Variants in MALRD1 observed in about 807,000 individuals in gnomAD.
The protein encoded by MALRD1 is MAM and LDL-receptor class A domain-containing protein 1.
MALRD1 carries 247 observed loss-of-function variants against 242.1 expected under a neutral mutation model. That is an observed-to-expected ratio of 1.02 (90% confidence interval 0.92 to 1.13). MALRD1 has a LOEUF of 1.13. Ranked by LOEUF, MALRD1 falls within the 50% of genes most tolerant of loss-of-function variation. The pLI is 0.00. For synonymous variants in MALRD1, 995 were observed against 866.6 expected (o/e 1.15, Z -2.60); for missense variants, 2,989 against 2,533.1 (o/e 1.18, Z -3.86).
intron 28 of MALRD1, among the ~76,000 whole-genome samples, chr10:19,400,754 G>A (rs765476428): frequency 2.0e-5 from 3 of 152,128 alleles, no homozygotes; most frequent in South Asian, 2.1e-4. Flanking sequence ...GGTAGCTCAC[G>A]CCTATAATCC....
intron 5 of MALRD1, among the ~76,000 whole-genome samples, chr10:19,116,912 T>G (rs1836889122): frequency 6.6e-6 from 1 of 151,896 alleles, no homozygotes. Flanking sequence ...CTGGCCAACA[T>G]GACGAAACCC....
chr10:19,260,137 G>C (rs1203898549), intron 19 of MALRD1, among the ~76,000 whole-genome samples: 1 of 152,136 alleles, frequency 6.6e-6, no homozygotes, highest in Non-Finnish European at 1.5e-5. Context: ...AAAATATTAA[G>C]TAATTCTATG....
intron 1 of MALRD1, among the ~76,000 whole-genome samples, chr10:19,056,498 A>G (rs185081462): frequency 5.3e-5 from 8 of 152,212 alleles, no homozygotes; most frequent in African/African-American, 1.4e-4. Context: ...GTTTCTTATT[A>G]GTATATAGAA....
Position 19,708,219 on chromosome 10 carries a change from G to A in MALRD1, c.6314+15665G>A, listed in dbSNP as rs1833950394. Among the ~76,000 whole-genome samples, 2 of 120,470 alleles carry A rather than the reference G, an allele frequency of 1.7e-5. 1 individual carries two copies. Among genetic ancestry groups the A allele is most frequent in the African/African-American group, 5.3e-5 (2 of 38,042 alleles). The allele number at this position is 120,470 out of a possible 152,430, so 79.0% of individuals were successfully genotyped here. A position where few individuals can be genotyped will look rare whatever the true frequency, so the allele number is the denominator to read the frequency against. Reference sequence around the variant, plus strand: ...ATTTTCTTATGTATAAAATGAGGAAGTTGGCATAAATCAGTTTTATCCAAA... The same window carrying A: ...ATTTTCTTATGTATAAAATGAGGAAATTGGCATAAATCAGTTTTATCCAAA... On this transcript the variant is annotated intron_variant, in intron 38 of 39. Transcript: ENST00000454679.
In MALRD1 at chr10:19,341,538, A is replaced by ACC. The variant is rs543716012; in HGVS notation, c.3902-6232_3902-6231insCC. 2.6e-3 allele frequency among the ~76,000 whole-genome samples: 382 copies of ACC among 145,212 alleles called. 2 individuals carry two copies. The highest frequency in any genetic ancestry group is 9.2e-3 in the African/African-American group (363 of 39,648). On this transcript the variant is annotated intron_variant, in intron 24 of 39. Transcript: ENST00000454679. ...TGTGTATATATGTATATATATACAC[A>ACC]CATATATATACACACACACGTATTT...
In MALRD1 at chr10:19,288,253, A is replaced by C. The variant is rs61850888; in HGVS notation, c.3419+5072A>C. On this transcript the variant is annotated intron_variant, in intron 21 of 39. Transcript: ENST00000454679. ...CAGGCATGCAATGTATAATAATCAC[A>C]TCATGGAGAGCAGGGTACCCATCCC... 2.2e-3 allele frequency among the ~76,000 whole-genome samples: 338 copies of C among 152,218 alleles called. 1 individual carries two copies. The highest frequency in any genetic ancestry group is 3.5e-3 in the Non-Finnish European group (238 of 68,010).
chr10:19,607,286 C>T (rs1838683658), intron 34 of MALRD1, among the ~76,000 whole-genome samples: 1 of 152,128 alleles, frequency 6.6e-6, no homozygotes. Flanking sequence ...TTTATTTTCT[C>T]CCACTTCTGG....
At chr10:19,465,887 T>G (rs1198711612) in intron 29 of MALRD1, among the ~76,000 whole-genome samples, 1 of 152,178 alleles carries the variant, frequency 6.6e-6, no homozygotes, top group Non-Finnish European at 1.5e-5. Flanking sequence ...TAAACCTTTC[T>G]TATAATCCCA....
chr10:19,415,325 G>A (rs906344446), intron 28 of MALRD1, among the ~76,000 whole-genome samples: 1 of 152,084 alleles, frequency 6.6e-6, no homozygotes, highest in African/African-American at 2.4e-5. Flanking sequence ...AATAAAGGTG[G>A]TTGCATAAAC....
chr10:19,712,056 A>T (rs554786249), intron 38 of MALRD1, among the ~76,000 whole-genome samples: 1 of 152,284 alleles, frequency 6.6e-6, no homozygotes, highest in Non-Finnish European at 1.5e-5. Flanking sequence ...ACTATCTTGG[A>T]GGCCTGATGG....
chr10:19,265,653 T>A (rs78432016), intron 19 of MALRD1, among the ~76,000 whole-genome samples: 2 of 152,080 alleles, frequency 1.3e-5, no homozygotes, highest in Non-Finnish European at 2.9e-5. Context: ...TTATCTATCC[T>A]GGGGAATGTT....
At chr10:19,058,364 A>G (rs895048802) in intron 1 of MALRD1, among the ~76,000 whole-genome samples, 3 of 152,204 alleles carry the variant, frequency 2.0e-5, no homozygotes, top group African/African-American at 7.2e-5. Flanking sequence ...TAAAGATAAA[A>G]TGTTAAATAT....
At chr10:19,521,657 T>C (rs536692413) in intron 31 of MALRD1, among the ~76,000 whole-genome samples, 1 of 152,298 alleles carries the variant, frequency 6.6e-6, no homozygotes, top group African/African-American at 2.4e-5. Flanking sequence ...CTTGAATATA[T>C]TCTAGTTCTC....
At chr10:19,685,862 C>T (rs548315272) in intron 36 of MALRD1, among the ~76,000 whole-genome samples, 1 of 152,274 alleles carries the variant, frequency 6.6e-6, no homozygotes, top group African/African-American at 2.4e-5. Context: ...CCATGTCTAT[C>T]TGTGAACCAA....
intron 29 of MALRD1, among the ~76,000 whole-genome samples, chr10:19,462,858 A>C (rs1426068108): frequency 6.6e-6 from 1 of 152,172 alleles, no homozygotes; most frequent in Non-Finnish European, 1.5e-5. Flanking sequence ...AGTTTGCTTT[A>C]GCTCTGGTTA....
At chr10:19,443,654 G>T (rs1157376265) in intron 28 of MALRD1, among the ~76,000 whole-genome samples, 1 of 152,168 alleles carries the variant, frequency 6.6e-6, no homozygotes, top group African/African-American at 2.4e-5. Flanking sequence ...TTAATCCTGA[G>T]TTCTAGTTTG....
intron 2 of MALRD1, among the ~76,000 whole-genome samples, chr10:19,082,235 A>G (rs2131282626): frequency 6.6e-6 from 1 of 151,798 alleles, no homozygotes; most frequent in East Asian, 1.9e-4. Context: ...TTTAATTTAC[A>G]ACAACTTAGG....
chr10:19,521,691 A>G (rs1001596994), intron 31 of MALRD1, among the ~76,000 whole-genome samples: 3 of 152,122 alleles, frequency 2.0e-5, no homozygotes, highest in Non-Finnish European at 4.4e-5. Context: ...ATGATTTTTA[A>G]AATTGTAACA....
chr10:19,211,814 A>G (rs1211244537), intron 18 of MALRD1, among the ~76,000 whole-genome samples: 1 of 152,062 alleles, frequency 6.6e-6, no homozygotes, highest in Admixed American at 6.6e-5. Context: ...GAGAAACAGC[A>G]GCAATAACAA....
Sources: gnomAD v4.1 joint callset for allele counts (sites outside exome capture counted in the v4.1 genomes callset) on GRCh38, gnomAD v4.1.1 for gene constraint, MANE v1.5 for transcripts, NCBI Gene and HGNC (gene_info 2026-07-23, HGNC 2026-07-21) for gene names.